Variants in TJP1 observed in about 807,000 individuals in gnomAD.
The protein encoded by TJP1 is tight junction protein 1.
Under a neutral mutation model 194.2 loss-of-function variants are expected in TJP1, and 43 were observed. The observed-to-expected ratio is 0.22, with a 90% CI of 0.17 to 0.29. The LOEUF (loss-of-function observed/expected upper bound fraction) is 0.29. Ranked by LOEUF, TJP1 falls within the 10% of genes least tolerant of loss-of-function variation. TJP1 has a pLI of 1.00. For synonymous variants in TJP1, 801 were observed against 779.0 expected, an observed-to-expected ratio of 1.03 and a Z score of -0.47; for missense variants, 1,971 against 2,185.7, an observed-to-expected ratio of 0.90 and a Z score of 1.96.
At chr15:29,870,381 CTATCTTTATATTAAGTATGCAAAAT>C (rs2052470574) in intron 2 of TJP1, among the ~76,000 whole-genome samples, 1 of 152,158 alleles carries the variant, frequency 6.6e-6, no homozygotes, top group East Asian at 1.9e-4. Context: ...TGTGTAAAAA[CTATCTTTATATTAAGTATGCAAAAT>C]TATCTTATAA....
rs1161500490 is a variant in TJP1 at position 29,754,854 on chromosome 15, C to T, written c.1010+6285G>A. ...GCACTTTCAGATTACCTACGCTCAA[C>T]CTGTATGTAAGTTTCAGAGAAAATT... On this transcript the variant is annotated intron_variant, in intron 8 of 27. Transcript: ENST00000614355. Among the ~76,000 whole-genome samples, 5 of 152,066 alleles carry T rather than the reference C, an allele frequency of 3.3e-5. No individual in the cohort carries two copies. The East Asian group carries it at 7.7e-4, about 23-fold the overall frequency.
intron 2 of TJP1, among the ~76,000 whole-genome samples, chr15:29,829,923 G>A (rs1465397989): frequency 6.6e-6 from 1 of 151,736 alleles, no homozygotes. Context: ...ACTTTTAGAG[G>A]AGACAGAGGG....
At chr15:29,734,493 T>C (rs748469126) in intron 11 of TJP1, 111 bp from the exon 12 acceptor site, 16 of 825,154 alleles carry the variant, frequency 1.9e-5, no homozygotes, top group Non-Finnish European at 2.7e-5. Flanking sequence ...CACATCTTTT[T>C]TTTTTTTTGA....
intron 1 of TJP1, among the ~76,000 whole-genome samples, chr15:29,803,712 TAC>T (rs1423804378): frequency 6.6e-6 from 1 of 152,124 alleles, no homozygotes; most frequent in Admixed American, 6.5e-5. Context: ...GGTCTTAATG[TAC>T]AGTCTCCAGG....
chr15:29,820,449 G>A, intron 1 of TJP1: 1 of 703,970 alleles, frequency 1.4e-6, no homozygotes, highest in Non-Finnish European at 2.6e-6. Context: ...TCCCTACAAC[G>A]TAATATTTAA....
intron 11 of TJP1, among the ~76,000 whole-genome samples, chr15:29,735,660 A>G (rs1029001632): frequency 6.6e-6 from 1 of 152,034 alleles, no homozygotes; most frequent in Non-Finnish European, 1.5e-5. Flanking sequence ...CAGGGTTAAG[A>G]GATGGGTAAG....
At position 29,773,296 on chromosome 15, in the gene TJP1, C is replaced by T; in HGVS notation, c.146G>A (p.Ser49Asn). The T allele has an allele frequency of 6.2e-7, 1 of 1,614,098 alleles. No individual in the cohort carries two copies. The highest frequency in any genetic ancestry group is 8.5e-7 in the Non-Finnish European group (1 of 1,179,966). The part of the protein sequence containing the change: ...SGGRDNPHFQ[S>N]GETSIVISDV... ...TGAAATCACTATTGACGTTTCCCCA[C>T]TCTGAAAATGAGGATTATCTCGTCC... Residue 49 changes from serine (S) to asparagine (N), a missense_variant, in exon 3 of 28, where the codon AGT (serine) becomes AAT (asparagine). Coordinates refer to ENST00000614355, the MANE Select transcript of TJP1 (RefSeq NM_001330239.4).
chr15:29,802,675 A>G (rs1411679356), intron 1 of TJP1, among the ~76,000 whole-genome samples: 1 of 152,144 alleles, frequency 6.6e-6, no homozygotes, highest in Non-Finnish European at 1.5e-5. Flanking sequence ...AAACATCAAC[A>G]GTCCCACTAA....
chr15:29,962,556 C>T (rs1032053502), intron 1 of TJP1, among the ~76,000 whole-genome samples: 1 of 152,170 alleles, frequency 6.6e-6, no homozygotes, highest in African/African-American at 2.4e-5. Context: ...CAAGAGAAGG[C>T]TAATGAGTGA....
chr15:29,891,073 G>A (rs1393739005), intron 2 of TJP1, among the ~76,000 whole-genome samples: 3 of 152,244 alleles, frequency 2.0e-5, no homozygotes, highest in African/African-American at 7.2e-5. Flanking sequence ...GTGGCCCTAT[G>A]AACAACTGAA....
intron 1 of TJP1, among the ~76,000 whole-genome samples, chr15:29,814,866 TG>T (rs1169095822): frequency 6.6e-6 from 1 of 152,172 alleles, no homozygotes; most frequent in Non-Finnish European, 1.5e-5. Flanking sequence ...CCTTATCTCT[TG>T]ATCTATCCCA....
At chr15:29,918,625 C>T (rs1445408324) in intron 2 of TJP1, among the ~76,000 whole-genome samples, 1 of 152,036 alleles carries the variant, frequency 6.6e-6, no homozygotes, top group Non-Finnish European at 1.5e-5. Flanking sequence ...GTAGTTCCAG[C>T]TACTCGGGAG....
chr15:29,712,926 A>G (rs1256273371), intron 23 of TJP1, among the ~76,000 whole-genome samples: 3 of 152,174 alleles, frequency 2.0e-5, no homozygotes, highest in African/African-American at 7.2e-5. Flanking sequence ...ATGGAGAGAT[A>G]GAAATATGCC....
chr15:29,850,004 C>G (rs2051579968), intron 2 of TJP1, among the ~76,000 whole-genome samples: 1 of 152,114 alleles, frequency 6.6e-6, no homozygotes, highest in South Asian at 2.1e-4. Flanking sequence ...GCCAGATGCT[C>G]TGTCATGAGG....
Position 29,718,846 on chromosome 15 carries a change from G to A in TJP1, c.3296C>T (p.Pro1099Leu), listed in dbSNP as rs533915080. Reference sequence around the variant, plus strand: ...ATCAAAAGGTGGCCGAGATGGGTAGGGCTGTTTGTCATCATAATATGACCA... The same window carrying A: ...ATCAAAAGGTGGCCGAGATGGGTAGAGCTGTTTGTCATCATAATATGACCA... ...EQWSYYDDKQ[P>L]YPSRPPFDNQ... The change falls in exon 21 of 28, where the codon CCC (proline) becomes CTC (leucine). Residue 1099 changes from proline (P) to leucine (L), a missense_variant. Transcript: ENST00000614355. The A allele has an allele frequency of 1.2e-6, 2 of 1,614,158 alleles. No homozygotes were observed. Among genetic ancestry groups the A allele is most frequent in the African/African-American group, 1.3e-5 (1 of 75,030 alleles).
intron 2 of TJP1, chr15:29,956,154 G>A (rs989392982): frequency 9.2e-7 from 1 of 1,081,492 alleles, no homozygotes; most frequent in Non-Finnish European, 1.1e-6. Flanking sequence ...TAAGTCTGCT[G>A]CATTTTTATG....
intron 18 of TJP1, among the ~76,000 whole-genome samples, chr15:29,721,054 G>A (rs1176336851): frequency 6.6e-6 from 1 of 152,210 alleles, no homozygotes; most frequent in Non-Finnish European, 1.5e-5. Context: ...AAGGGGAAGA[G>A]GGAGAATGTT....
intron 2 of TJP1, among the ~76,000 whole-genome samples, chr15:29,859,333 T>C (rs2051984907): frequency 6.6e-6 from 1 of 152,162 alleles, no homozygotes; most frequent in Non-Finnish European, 1.5e-5. Flanking sequence ...GCAAACCTAC[T>C]TTGGAGAATA....
At chr15:29,761,846 A>T (rs2046027629) in intron 6 of TJP1, 77 bp from the exon 7 acceptor site, 5 of 1,362,108 alleles carry the variant, frequency 3.7e-6, no homozygotes. Flanking sequence ...ATAAACAGAA[A>T]TATCCAAACC....
Sources: gnomAD v4.1 joint callset for allele counts (sites outside exome capture counted in the v4.1 genomes callset) on GRCh38, gnomAD v4.1.1 for gene constraint, MANE v1.5 for transcripts, NCBI Gene and HGNC (gene_info 2026-07-23, HGNC 2026-07-21) for gene names.